The following ITGAL variants were observed in gnomAD, a reference collection of about 807,000 sequenced individuals.
ITGAL encodes the protein integrin alpha-L.
ITGAL carries 68 observed loss-of-function variants against 138.4 expected under a neutral mutation model. That is an observed-to-expected ratio of 0.49 (90% CI 0.40 to 0.60). The LOEUF (loss-of-function observed/expected upper bound fraction) is 0.60, where lower values mean the gene tolerates loss of function less well. Ranked by LOEUF, ITGAL falls within the 20% of genes least tolerant of loss-of-function variation. ITGAL has a pLI of 0.00. For synonymous variants in ITGAL, 561 were observed against 584.3 expected (o/e 0.96, Z 0.57); for missense variants, 1,256 against 1,478.6 (o/e 0.85, Z 2.47).
intron 3 of ITGAL, 36 bp downstream of exon 3, chr16:30,475,436 T>C (rs1567460467): frequency 6.2e-7 from 1 of 1,604,748 alleles, no homozygotes; most frequent in African/African-American, 1.3e-5. Flanking sequence ...AGGAATGGGA[T>C]CTTGGGGAAA....
intron 17 of ITGAL, among the ~76,000 whole-genome samples, chr16:30,502,821 T>G (rs1464343120): frequency 2.6e-5 from 4 of 151,960 alleles, no homozygotes; most frequent in Non-Finnish European, 5.9e-5. Flanking sequence ...TTTAAACTTT[T>G]TTTTTTTTTT....
intron 18 of ITGAL, chr16:30,505,005 A>T: frequency 3.1e-6 from 1 of 320,222 alleles, no homozygotes; most frequent in Non-Finnish European, 5.7e-6. Flanking sequence ...TGGGCAACAG[A>T]GTAAGACAGT....
rs569655217 is a variant in ITGAL at position 30,479,275 on chromosome 16, G to A, written c.446-56G>A. 9 of 1,613,204 alleles carry A rather than the reference G, an allele frequency of 5.6e-6. No individual in the cohort carries two copies. In the South Asian group the frequency reaches 7.7e-5, roughly 14 times the overall value. On this transcript the variant is annotated intron_variant, in intron 5 of 30. Transcript: ENST00000356798. ...GGCTGTCCCTAGAGAGAACCAGCATGGGCAGGTCAAACACCAGAGATGCTT... is the reference window on the plus strand; with the variant it reads ...GGCTGTCCCTAGAGAGAACCAGCATAGGCAGGTCAAACACCAGAGATGCTT...
rs59770529 is a variant in ITGAL at position 30,479,648 on chromosome 16, C to CTTT, written c.576+214_576+216dup. Among the ~76,000 whole-genome samples, 45 of 72,866 alleles carry CTTT rather than the reference C, an allele frequency of 6.2e-4. 1 individual carries two copies. Among genetic ancestry groups the CTTT allele is most frequent in the African/African-American group, 7.2e-4 (13 of 18,010 alleles). 47.8% of individuals were successfully genotyped at this position (72,866 alleles called of 152,430 possible). A position where few individuals can be genotyped will look rare whatever the true frequency, so the allele number is the denominator to read the frequency against. ...TAGGAGTCTCTCTAGTTCTCATTTC[C>CTTT]TTTTTTTTTTTTTTTTTTTTTTTTT... On this transcript the variant is annotated intron_variant, in intron 6 of 30. Coordinates refer to ENST00000356798, the MANE Select transcript of ITGAL (RefSeq NM_002209.3).
intron 17 of ITGAL, 67 bp from the exon 18 acceptor site, chr16:30,504,108 A>G (rs910959566): frequency 1.7e-6 from 2 of 1,176,202 alleles, no homozygotes; most frequent in African/African-American, 3.0e-5. Flanking sequence ...CTGACAAGGT[A>G]TACATCTAAT....
chr16:30,478,499 C>A (rs1294318380), intron 4 of ITGAL, among the ~76,000 whole-genome samples: 2 of 151,644 alleles, frequency 1.3e-5, no homozygotes, highest in Non-Finnish European at 2.9e-5. Flanking sequence ...GAGATCAAGA[C>A]CATCCTGGCT....
rs555941258 is a variant in ITGAL, at chr16:30,476,638, T to G, written c.327+1058T>G. 3.3e-4 allele frequency among the ~76,000 whole-genome samples: 50 copies of G among 151,866 alleles called. 1 individual carries two copies. The highest frequency in any genetic ancestry group is 1.1e-3 in the African/African-American group (47 of 41,444). ...CTAAAGTTTAGGAAACACTGCTTTTTTTTTTTTTTTTGAGACAGAGTTTCA... is the reference window on the plus strand; with the variant it reads ...CTAAAGTTTAGGAAACACTGCTTTTGTTTTTTTTTTTGAGACAGAGTTTCA... On this transcript the variant is annotated intron_variant, in intron 4 of 30. Coordinates refer to ENST00000356798, the MANE Select transcript of ITGAL (RefSeq NM_002209.3).
intron 26 of ITGAL, 87 bp downstream of exon 26, chr16:30,517,173 A>T: frequency 1.1e-6 from 1 of 876,796 alleles, no homozygotes; most frequent in East Asian, 2.5e-5. Context: ...GGGCTTGGCC[A>T]GGTGCGGTGG....
Position 30,521,841 on chromosome 16 carries a change from AG to A in ITGAL, c.*179del. 1.6e-6 allele frequency: 1 copy of A among 635,224 alleles called. No individual in the cohort carries two copies. The highest frequency in any genetic ancestry group is 1.8e-5 in the African/African-American group (1 of 54,496). 39.3% of individuals were successfully genotyped at this position (635,224 alleles called of 1,614,324 possible). A position where few individuals can be genotyped will look rare whatever the true frequency, so the allele number is the denominator to read the frequency against. On this transcript the variant is annotated 3_prime_UTR_variant, in exon 31 of 31. Coordinates refer to ENST00000356798, the MANE Select transcript of ITGAL (RefSeq NM_002209.3). ...CTGCCTGTCTCCTTTGCAGGCTCAT[AG>A]GGAAGACCTGCTGAGGGACCAGCCA...
intron 25 of ITGAL, among the ~76,000 whole-genome samples, chr16:30,515,750 T>A (rs966817109): frequency 6.6e-6 from 1 of 152,120 alleles, no homozygotes; most frequent in Non-Finnish European, 1.5e-5. Context: ...GGTGGGCAGA[T>A]CACCTGAGGT....
intron 28 of ITGAL, 40 bp downstream of exon 28, chr16:30,517,935 G>T (rs752735786): frequency 6.4e-7 from 1 of 1,570,668 alleles, no homozygotes; most frequent in Middle Eastern, 2.0e-4. Flanking sequence ...TGCTGTGGGG[G>T]CCCCAATGCC....
At position 30,481,650 on chromosome 16, in the gene ITGAL, G is replaced by C. The variant is rs377035506; in HGVS notation, c.722+66G>C. On this transcript the variant is annotated intron_variant, in intron 7 of 30. Coordinates refer to ENST00000356798, the MANE Select transcript of ITGAL (RefSeq NM_002209.3). ...GTTCTGGGTGATCTACCCACTTCCA[G>C]CTGCAGGGCATGGGAACTCAGTAGG... 1.5e-4 allele frequency: 219 copies of C among 1,498,484 alleles called. 3 individuals are homozygous for C. The South Asian group carries it at 2.4e-3, about 17-fold the overall frequency. The allele number at this position is 1,498,484 out of a possible 1,614,324, so 92.8% of individuals were successfully genotyped here.
At chr16:30,518,502 A>G (rs925990096) in intron 28 of ITGAL, 122 bp from the exon 29 acceptor site, 1 of 683,160 alleles carries the variant, frequency 1.5e-6, no homozygotes, top group African/African-American at 1.8e-5. Context: ...AGTTGTGTAG[A>G]GATGGGTGCA....
intron 10 of ITGAL, 38 bp from the exon 11 acceptor site, chr16:30,489,216 G>C (rs371868892): frequency 6.2e-7 from 1 of 1,613,398 alleles, no homozygotes; most frequent in Non-Finnish European, 8.5e-7. Context: ...GGGGTGGGTC[G>C]GTGGGTAGCT....
intron 1 of ITGAL, 39 bp from the exon 2 acceptor site, chr16:30,474,157 G>A (rs1399552377): frequency 2.1e-6 from 3 of 1,454,118 alleles, no homozygotes; most frequent in South Asian, 2.4e-5. Context: ...CAGGGGCGGG[G>A]GTCCCTCGGT....
At chr16:30,501,732 A>G (rs2050902090) in intron 17 of ITGAL, among the ~76,000 whole-genome samples, 1 of 152,118 alleles carries the variant, frequency 6.6e-6, no homozygotes, top group Non-Finnish European at 1.5e-5. Flanking sequence ...ACATGGAAAA[A>G]AAAAGTTTTT....
intron 29 of ITGAL, 179 bp from the exon 30 acceptor site, chr16:30,519,678 T>G: frequency 1.6e-6 from 1 of 622,292 alleles, no homozygotes; most frequent in East Asian, 2.7e-5. Flanking sequence ...AGGTGTGTGT[T>G]GGCCAACTCA....
chr16:30,495,845 T>C (rs977820788), intron 13 of ITGAL, among the ~76,000 whole-genome samples: 1 of 151,494 alleles, frequency 6.6e-6, no homozygotes, highest in Non-Finnish European at 1.5e-5. Context: ...CAAGACTCCA[T>C]CTCAAAAAAA....
Position 30,521,746 on chromosome 16 carries a change from G to T in ITGAL, c.*81G>T. The T allele has an allele frequency of 7.1e-7, 1 of 1,413,906 alleles. No individual in the cohort carries two copies. The allele number at this position is 1,413,906 out of a possible 1,614,324, so 87.6% of individuals were successfully genotyped here. On this transcript the variant is annotated 3_prime_UTR_variant, in exon 31 of 31. Coordinates refer to ENST00000356798, the MANE Select transcript of ITGAL (RefSeq NM_002209.3). ...ACTCTGCCTCTGCCTGCATTCTGCC[G>T]TGTGCCCTCGGGCGAGTCACTGCCT...
Sources: allele counts gnomAD v4.1 joint callset (sites outside exome capture counted in the v4.1 genomes callset), GRCh38; gene constraint gnomAD v4.1.1; transcripts MANE v1.5; gene names NCBI Gene and HGNC (gene_info 2026-07-23, HGNC 2026-07-21).